The following CPN1 variants were observed in gnomAD, a reference collection of about 807,000 sequenced individuals.
CPN1 encodes carboxypeptidase N subunit 1, also known as carboxypeptidase N catalytic chain.
In CPN1, 37 loss-of-function variants were observed where a neutral mutation model predicts 46.4. That is an observed-to-expected ratio of 0.80 (90% CI 0.61 to 1.05). The LOEUF is 1.05. Ranked by LOEUF, CPN1 falls within the 50% of genes least tolerant of loss-of-function variation. The pLI, the probability that CPN1 is intolerant of heterozygous loss-of-function variation, is 0.00. For missense variants in CPN1, 563 were observed against 602.6 expected (o/e 0.93, Z 0.69); for synonymous variants, 224 against 235.4 (o/e 0.95, Z 0.44).
At position 100,063,649 on chromosome 10, in the gene CPN1, A is replaced by ATGCC. The variant is rs1290196078; in HGVS notation, c.832_835dup (p.Ile279ArgfsTer19). The ATGCC allele has an allele frequency of 6.2e-7, 1 of 1,613,932 alleles. No homozygotes were observed. The highest frequency in any genetic ancestry group is 1.3e-5 in the African/African-American group (1 of 74,908). On this transcript the variant is annotated frameshift_variant, in exon 5 of 9. Transcript: ENST00000370418. LOFTEE classifies it high-confidence loss of function. The stretch of plus-strand genomic sequence containing the variant: ...AGAATACCAGGAAGCCCCATTGGTG[A>ATGCC]TGCCATCTGGGAAGTAATCTCCGCA...
intron 5 of CPN1, among the ~76,000 whole-genome samples, chr10:100,058,727 T>A (rs1280660976): frequency 6.6e-6 from 1 of 151,976 alleles, no homozygotes; most frequent in Non-Finnish European, 1.5e-5. Flanking sequence ...GCAAAAATAA[T>A]CTTGAAAAAG....
At chr10:100,073,245 T>C (rs971704536) in intron 2 of CPN1, among the ~76,000 whole-genome samples, 55 of 152,326 alleles carry the variant, frequency 3.6e-4, no homozygotes, top group South Asian at 1.0e-3. Context: ...TGGTGTACAC[T>C]TCTGTGACAT....
At chr10:100,053,288 G>A (rs1424861488) in intron 7 of CPN1, among the ~76,000 whole-genome samples, 1 of 152,148 alleles carries the variant, frequency 6.6e-6, no homozygotes, top group African/African-American at 2.4e-5. Flanking sequence ...TTGTGAAATG[G>A]CTGCTTGGTA....
At chr10:100,076,788 G>A (rs535919838) in intron 1 of CPN1, among the ~76,000 whole-genome samples, 162 of 152,264 alleles carry the variant, frequency 1.1e-3, no homozygotes, top group Non-Finnish European at 1.8e-3. Context: ...AATAGGATTG[G>A]GGGCAGGACT....
intron 5 of CPN1, among the ~76,000 whole-genome samples, chr10:100,058,045 C>T (rs895653234): frequency 1.3e-5 from 2 of 152,046 alleles, no homozygotes; most frequent in Non-Finnish European, 2.9e-5. Flanking sequence ...TCTATTCTAC[C>T]TCTTGACCTC....
At chr10:100,073,845 C>T (rs1383718799) in intron 2 of CPN1, among the ~76,000 whole-genome samples, 2 of 152,054 alleles carry the variant, frequency 1.3e-5, no homozygotes, top group Non-Finnish European at 2.9e-5. Context: ...GAACTTCTGA[C>T]CTCAGGTGAT....
intron 3 of CPN1, among the ~76,000 whole-genome samples, chr10:100,068,403 T>C (rs974717876): frequency 4.6e-5 from 7 of 151,942 alleles, no homozygotes; most frequent in Admixed American, 1.3e-4. Flanking sequence ...TTAGTAGAGA[T>C]GGGGTTTCAC....
At chr10:100,051,902 T>TC (rs1439039864) in intron 7 of CPN1, among the ~76,000 whole-genome samples, 1 of 151,316 alleles carries the variant, frequency 6.6e-6, no homozygotes, top group Non-Finnish European at 1.5e-5. Context: ...TTTAATATGT[T>TC]TTGTTTTTAT....
At chr10:100,049,297 C>T (rs1009877162) in intron 7 of CPN1, among the ~76,000 whole-genome samples, 3 of 147,622 alleles carry the variant, frequency 2.0e-5, no homozygotes, top group Admixed American at 6.8e-5. Flanking sequence ...CTCTGTCACT[C>T]TGTTGCCCAG....
intron 4 of CPN1, among the ~76,000 whole-genome samples, chr10:100,064,561 A>C (rs1161875277): frequency 6.6e-6 from 1 of 151,558 alleles, no homozygotes; most frequent in Non-Finnish European, 1.5e-5. Context: ...TTTTATTTTT[A>C]GTACAGACAG....
chr10:100,072,075 G>C (rs1215407132), intron 2 of CPN1, among the ~76,000 whole-genome samples: 1 of 152,162 alleles, frequency 6.6e-6, no homozygotes, highest in African/African-American at 2.4e-5. Flanking sequence ...CCACGTACAA[G>C]TCTTTGTGTG....
intron 2 of CPN1, among the ~76,000 whole-genome samples, chr10:100,074,777 G>C (rs1053936402): frequency 2.0e-5 from 3 of 152,066 alleles, no homozygotes; most frequent in African/African-American, 7.2e-5. Flanking sequence ...AAGGCAGATC[G>C]ATGCCTGGCC....
chr10:100,043,598 T>C (rs2041291320), intron 8 of CPN1, among the ~76,000 whole-genome samples: 1 of 152,106 alleles, frequency 6.6e-6, no homozygotes, highest in Non-Finnish European at 1.5e-5. Context: ...TTCTGCCTAC[T>C]TGTTTGACTT....
intron 8 of CPN1, among the ~76,000 whole-genome samples, chr10:100,044,664 C>T (rs1246677265): frequency 6.6e-6 from 1 of 151,908 alleles, no homozygotes; most frequent in Non-Finnish European, 1.5e-5. Context: ...GTATGAGTCA[C>T]CGCACCCAGC....
chr10:100,076,110 G>T lies in CPN1; in HGVS notation c.224-3C>A. On this transcript the variant is annotated splice_polypyrimidine_tract_variant and splice_region_variant and intron_variant, in intron 1 of 8. Transcript: ENST00000370418. ...CACATACTTGACCTCTGGTTCCACT[G>T]CAAGGAAGAGAAAAGATGGGGGAAG... 1 of 1,614,134 alleles carries T rather than the reference G, an allele frequency of 6.2e-7. No homozygotes were observed. Among genetic ancestry groups the T allele is most frequent in the Non-Finnish European group, 8.5e-7 (1 of 1,179,998 alleles).
chr10:100,070,065 A>G (rs1190659661), intron 2 of CPN1, among the ~76,000 whole-genome samples, 196 bp from the exon 3 acceptor site: 1 of 151,784 alleles, frequency 6.6e-6, no homozygotes, highest in Non-Finnish European at 1.5e-5. Flanking sequence ...TGGGACTACA[A>G]GCACACACCA....
intron 4 of CPN1, among the ~76,000 whole-genome samples, chr10:100,063,936 A>C (rs1276398563): frequency 6.6e-6 from 1 of 152,114 alleles, no homozygotes; most frequent in African/African-American, 2.4e-5. Flanking sequence ...GTGTGAATGC[A>C]TGTGTGTGAA....
At chr10:100,074,216 G>T (rs1439867779) in intron 2 of CPN1, among the ~76,000 whole-genome samples, 5 of 152,188 alleles carry the variant, frequency 3.3e-5, no homozygotes, top group Non-Finnish European at 5.9e-5. Flanking sequence ...TCAAAGTCTG[G>T]TGGCCAGGAA....
rs2041383259 is a variant in CPN1, at chr10:100,056,111, A to G, written c.1011+902T>C. On this transcript the variant is annotated intron_variant, in intron 6 of 8. Coordinates refer to ENST00000370418, the MANE Select transcript of CPN1 (RefSeq NM_001308.3). ...ATTGTACCACTTTACATTCCCATTA[A>G]TAGTGCACAAGGGTTCCAATTTCTC... Among the ~76,000 whole-genome samples, 3 of 152,232 alleles carry G rather than the reference A, an allele frequency of 2.0e-5. No individual in the cohort carries two copies. In the South Asian group the frequency reaches 6.2e-4, roughly 32 times the overall value.
Sources: allele counts gnomAD v4.1 joint callset (sites outside exome capture counted in the v4.1 genomes callset), GRCh38; gene constraint gnomAD v4.1.1; transcripts MANE v1.5; gene names NCBI Gene and HGNC (gene_info 2026-07-23, HGNC 2026-07-21).